Variants in IMPG1 observed in about 807,000 individuals in gnomAD.
The protein encoded by IMPG1 is interphotoreceptor matrix proteoglycan 1.
IMPG1 carries 85 observed loss-of-function variants against 92.0 expected under a neutral mutation model. The ratio of observed to expected loss-of-function variants is 0.92; its 90% CI spans 0.78 to 1.11. IMPG1 has a LOEUF of 1.11. Among genes scored for constraint, IMPG1 ranks in the 50% least tolerant of loss-of-function variants. IMPG1 has a pLI of 0.00. For synonymous variants in IMPG1, 367 were observed against 334.1 expected (o/e 1.10, Z -1.08); for missense variants, 1,022 against 956.0 (o/e 1.07, Z -0.91).
Position 75,950,949 on chromosome 6 carries a change from G to A in IMPG1, c.1437C>T (p.Leu479=). The A allele has an allele frequency of 6.2e-7, 1 of 1,614,020 alleles. No homozygotes were observed. The highest frequency in any genetic ancestry group is 8.5e-7 in the Non-Finnish European group (1 of 1,179,958). ...CAGAATAATCACTGGTGGGGATGGT[G>A]AGCCCTGGTACTAGCATTGTCTGGT... ...ATDQTMLVPG[L]TIPTSDYSAI... is the part of the protein sequence containing the mutation. Residue 479 remains leucine (L), a synonymous_variant, in exon 13 of 17, where the codon CTC becomes CTT. Coordinates refer to ENST00000369950, the MANE Select transcript of IMPG1 (RefSeq NM_001563.4).
intron 12 of IMPG1, among the ~76,000 whole-genome samples, chr6:75,976,607 C>A (rs1402329787): frequency 1.1e-4 from 17 of 151,358 alleles, no homozygotes; most frequent in Non-Finnish European, 8.8e-5. Flanking sequence ...GATTCTTTGT[C>A]CTGAGTGAAT....
In IMPG1 at chr6:76,018,728, G is replaced by A. The variant is rs768761881; in HGVS notation, c.797C>T (p.Ser266Phe). 32 of 1,613,152 alleles carry A rather than the reference G, an allele frequency of 2.0e-5. No individual in the cohort carries two copies. Among genetic ancestry groups the A allele is most frequent in the African/African-American group, 2.7e-5 (2 of 74,860 alleles). Residue 266 changes from serine (S) to phenylalanine (F), a missense_variant, in exon 7 of 17, where the codon TCC becomes TTC. By Grantham distance (155) the Ser-to-Phe change is radical (BLOSUM62 -2). Coordinates refer to ENST00000369950, the MANE Select transcript of IMPG1 (RefSeq NM_001563.4). ...GCCGGGTCTACTCACCTGAAGTTGG[G>A]ACTTTCCTGCTAGCTCCTGGTAATA... is the stretch of plus-strand genomic sequence containing the variant. Reference protein sequence around the residue: ...SPYYQELAGKSQLQMQKIFKK... With the variant: ...SPYYQELAGKFQLQMQKIFKK...
intron 1 of IMPG1, among the ~76,000 whole-genome samples, chr6:76,060,111 T>C (rs1784180324): frequency 6.6e-6 from 1 of 152,194 alleles, no homozygotes; most frequent in African/African-American, 2.4e-5. Context: ...GGGGCAATTA[T>C]GAAAATAGAT....
chr6:76,066,073 G>A (rs958670201), intron 1 of IMPG1, among the ~76,000 whole-genome samples: 2 of 151,794 alleles, frequency 1.3e-5, no homozygotes, highest in East Asian at 1.9e-4. Flanking sequence ...AATGCTCAAG[G>A]GAATTTTAAA....
intron 8 of IMPG1, among the ~76,000 whole-genome samples, chr6:76,008,461 A>G (rs1172022460): frequency 6.6e-6 from 1 of 152,162 alleles, no homozygotes; most frequent in African/African-American, 2.4e-5. Flanking sequence ...TATATTAACT[A>G]ATGTAACTTT....
intron 15 of IMPG1, among the ~76,000 whole-genome samples, chr6:75,928,291 C>T (rs1414322602): frequency 1.3e-5 from 2 of 152,014 alleles, no homozygotes; most frequent in Non-Finnish European, 2.9e-5. Flanking sequence ...CCTCCACCTC[C>T]TGGGTTCAAG....
At chr6:76,028,674 G>GA (rs1478222787) in intron 4 of IMPG1, among the ~76,000 whole-genome samples, 1 of 152,062 alleles carries the variant, frequency 6.6e-6, no homozygotes, top group African/African-American at 2.4e-5. Context: ...CTAAAAAATA[G>GA]AAAAAATCAG....
chr6:76,033,331 T>C (rs1783682959), intron 4 of IMPG1, among the ~76,000 whole-genome samples: 1 of 152,240 alleles, frequency 6.6e-6, no homozygotes. Context: ...ATGCCACTGA[T>C]GCAGTTCTTA....
intron 12 of IMPG1, among the ~76,000 whole-genome samples, chr6:75,988,320 G>T (rs1352368415): frequency 6.6e-6 from 1 of 152,148 alleles, no homozygotes; most frequent in Non-Finnish European, 1.5e-5. Flanking sequence ...CATTCTAACT[G>T]GTGTGAGATG....
In IMPG1 at chr6:75,922,375, T is replaced by TC. The variant is rs1781444469; in HGVS notation, c.2317-210dup. On this transcript the variant is annotated intron_variant, in intron 16 of 16. Transcript: ENST00000369950. ...TGCCCTCTTAAGCCTATTTAGATTC[T>TC]CAGGCTGACCCATCTCATAGAGCAG... 2.0e-5 allele frequency among the ~76,000 whole-genome samples: 3 copies of TC among 152,328 alleles called. No homozygotes were observed. The South Asian group carries it at 6.2e-4, about 32-fold the overall frequency.
intron 1 of IMPG1, among the ~76,000 whole-genome samples, chr6:76,051,600 A>G (rs927681024): frequency 9.2e-5 from 14 of 152,242 alleles, no homozygotes; most frequent in African/African-American, 3.1e-4. Context: ...TTAATGAATT[A>G]GAAAGTAAAC....
chr6:76,051,971 G>T (rs376550024), intron 1 of IMPG1, among the ~76,000 whole-genome samples: 247 of 151,542 alleles, frequency 1.6e-3, no homozygotes, highest in African/African-American at 5.8e-3. Flanking sequence ...CTACCTCATT[G>T]CACACACACA....
intron 12 of IMPG1, among the ~76,000 whole-genome samples, chr6:75,968,138 A>T (rs1381670610): frequency 3.3e-5 from 5 of 152,212 alleles, no homozygotes; most frequent in Non-Finnish European, 7.3e-5. Flanking sequence ...AATTACCAAA[A>T]CTTGGAGTGT....
At position 76,057,986 on chromosome 6, in the gene IMPG1, AAATAAAAT is replaced by A. The variant is rs1282224984; in HGVS notation, c.67+14428_67+14435del. Among the ~76,000 whole-genome samples the A allele has an allele frequency of 2.0e-5, 3 of 151,930 alleles. No individual in the cohort carries two copies. In the East Asian group the frequency reaches 5.8e-4, roughly 29 times the overall value. On this transcript the variant is annotated intron_variant, in intron 1 of 16. Transcript: ENST00000369950. Reference sequence around the variant, plus strand: ...GCTTCAGTAAAAATAAAATAAAATAAAATAAAATAATAAAATAAAATAGGGTTGTGGTT... The same window carrying A: ...GCTTCAGTAAAAATAAAATAAAATAAAATAAAATAAAATAGGGTTGTGGTT...
intron 12 of IMPG1, among the ~76,000 whole-genome samples, chr6:75,984,110 T>C (rs902029989): frequency 6.6e-6 from 1 of 152,212 alleles, no homozygotes; most frequent in Non-Finnish European, 1.5e-5. Flanking sequence ...ATTTGCACAT[T>C]GTTCTTAGGA....
At chr6:76,002,785 G>A in intron 12 of IMPG1, 133 bp downstream of exon 12, 1 of 678,288 alleles carries the variant, frequency 1.5e-6, no homozygotes, top group South Asian at 1.7e-5. Context: ...CTTTTCTGTT[G>A]GAAATGCTGG....
intron 13 of IMPG1, among the ~76,000 whole-genome samples, chr6:75,949,189 G>A (rs1336009048): frequency 6.6e-6 from 1 of 152,168 alleles, no homozygotes; most frequent in Non-Finnish European, 1.5e-5. Flanking sequence ...GGTAAAATGA[G>A]GCTGAAACCT....
intron 14 of IMPG1, 36 bp from the exon 15 acceptor site, chr6:75,931,187 A>G (rs769750820): frequency 1.3e-6 from 2 of 1,569,446 alleles, no homozygotes; most frequent in Non-Finnish European, 1.7e-6. Context: ...CGCATGTATG[A>G]ATAGCTAAGC....
rs1353735423 is a variant in IMPG1 at position 75,922,185 on chromosome 6, T to C, written c.2317-19A>G. On this transcript the variant is annotated intron_variant, in intron 16 of 16. Transcript: ENST00000369950. ...TGATTACCTGAAAGAGAAATAGTTT[T>C]AAGAACTTAAGAAATGCCACCCAAG... 2 of 1,065,376 alleles carry C rather than the reference T, an allele frequency of 1.9e-6. No individual in the cohort carries two copies. Among genetic ancestry groups the C allele is most frequent in the Admixed American group, 2.0e-5 (1 of 50,086 alleles). 66.0% of individuals were successfully genotyped at this position (1,065,376 alleles called of 1,614,324 possible).
Sources: gnomAD v4.1 joint callset for allele counts (sites outside exome capture counted in the v4.1 genomes callset) on GRCh38, gnomAD v4.1.1 for gene constraint, MANE v1.5 for transcripts, NCBI Gene and HGNC (gene_info 2026-07-23, HGNC 2026-07-21) for gene names.